LAMA4: variants seen among roughly 807,000 people sequenced by gnomAD.
The protein encoded by LAMA4 is laminin subunit alpha-4.
LAMA4 carries 127 observed loss-of-function variants against 207.1 expected under a neutral mutation model. The observed-to-expected ratio is 0.61, with a 90% CI of 0.53 to 0.71. The LOEUF (loss-of-function observed/expected upper bound fraction) is 0.71. Ranked by LOEUF, LAMA4 falls within the 30% of genes least tolerant of loss-of-function variation. The pLI is 0.00. For missense variants in LAMA4, 2,093 were observed against 2,246.5 expected (o/e 0.93, Z 1.38); for synonymous variants, 761 against 816.0 (o/e 0.93, Z 1.15).
At chr6:112,249,064 G>T (rs782670723) in intron 2 of LAMA4, among the ~76,000 whole-genome samples, 30 of 152,196 alleles carry the variant, frequency 2.0e-4, no homozygotes, top group Non-Finnish European at 3.5e-4. Flanking sequence ...GAGAAGGGAA[G>T]TTATCTCAAC....
intron 5 of LAMA4, among the ~76,000 whole-genome samples, chr6:112,198,239 G>C (rs1035299626): frequency 1.3e-5 from 2 of 152,118 alleles, no homozygotes; most frequent in Admixed American, 1.3e-4. Flanking sequence ...GGAATCCAAA[G>C]TTTTCCTGGA....
At chr6:112,189,740 A>C (rs1554347938) in intron 6 of LAMA4, among the ~76,000 whole-genome samples, 1 of 152,200 alleles carries the variant, frequency 6.6e-6, no homozygotes, top group Non-Finnish European at 1.5e-5. Flanking sequence ...CAAACCTCCA[A>C]ATGACAGCTA....
At chr6:112,156,690 C>G (rs782125029) in intron 14 of LAMA4, among the ~76,000 whole-genome samples, 13 of 152,098 alleles carry the variant, frequency 8.5e-5, no homozygotes, top group Non-Finnish European at 1.6e-4. Context: ...GAAGGTCCTC[C>G]GTGACCCAGT....
chr6:112,128,559 C>T (rs1206685947), intron 31 of LAMA4, among the ~76,000 whole-genome samples: 3 of 151,996 alleles, frequency 2.0e-5, no homozygotes, highest in Non-Finnish European at 2.9e-5. Context: ...TGTATATTTC[C>T]AAATAGCTAG....
chr6:112,134,333 A>G (rs935144615), intron 26 of LAMA4, 134 bp downstream of exon 26: 6 of 804,692 alleles, frequency 7.5e-6, no homozygotes, highest in Non-Finnish European at 1.3e-5. Flanking sequence ...AGGTACATGA[A>G]TGTGTGTACC....
At chr6:112,237,284 G>A (rs1457505921) in intron 2 of LAMA4, among the ~76,000 whole-genome samples, 2 of 152,196 alleles carry the variant, frequency 1.3e-5, no homozygotes, top group African/African-American at 4.8e-5. Flanking sequence ...GCTGCTCAAT[G>A]CAACCAGTGA....
intron 5 of LAMA4, among the ~76,000 whole-genome samples, chr6:112,196,971 T>C (rs2114985949): frequency 6.6e-6 from 1 of 152,264 alleles, no homozygotes; most frequent in East Asian, 1.9e-4. Context: ...AAGAAGCCAT[T>C]GTGTGATTCT....
intron 2 of LAMA4, among the ~76,000 whole-genome samples, chr6:112,246,443 C>G (rs1385818486): frequency 1.3e-5 from 2 of 150,522 alleles, no homozygotes; most frequent in Non-Finnish European, 3.0e-5. Context: ...CATTTTAATT[C>G]AAGAAACTGT....
chr6:112,150,417 T>C (rs781859224), intron 17 of LAMA4, 94 bp downstream of exon 17: 19 of 825,634 alleles, frequency 2.3e-5, no homozygotes, highest in African/African-American at 5.8e-5. Context: ...TATAAAATCA[T>C]TGACAAACAA....
intron 9 of LAMA4, among the ~76,000 whole-genome samples, chr6:112,181,671 G>A (rs782285416): frequency 3.3e-5 from 5 of 152,014 alleles, no homozygotes; most frequent in South Asian, 2.1e-4. Context: ...TAGAGTTACC[G>A]TTTAGCCTGT....
In LAMA4 at chr6:112,204,574, A is replaced by C. The variant is rs76281980; in HGVS notation, c.422+2447T>G. Among the ~76,000 whole-genome samples the C allele has an allele frequency of 4.9e-3, 743 of 152,276 alleles. 6 individuals carry two copies. The highest frequency in any genetic ancestry group is 0.017 in the African/African-American group (689 of 41,554). ...TATGAGAGAATGAGTGAAACCAGCT[A>C]TGAGGAAGTTGGAGGTAATATATTT... On this transcript the variant is annotated intron_variant, in intron 4 of 38. Coordinates refer to ENST00000230538, the MANE Select transcript of LAMA4 (RefSeq NM_001105206.3).
chr6:112,188,929 G>A (rs972702358), intron 7 of LAMA4, 181 bp downstream of exon 7: 4 of 605,660 alleles, frequency 6.6e-6, no homozygotes, highest in Non-Finnish European at 1.2e-5. Context: ...TTTGCCCTAG[G>A]GAATCAAGTG....
At chr6:112,155,895 C>A (rs1482614120) in intron 14 of LAMA4, among the ~76,000 whole-genome samples, 189 bp from the exon 15 acceptor site, 1 of 152,166 alleles carries the variant, frequency 6.6e-6, no homozygotes, top group Admixed American at 6.5e-5. Flanking sequence ...TGCTGAACAG[C>A]ATTTTGGTTC....
chr6:112,250,889 T>C (rs1787397926), intron 2 of LAMA4, among the ~76,000 whole-genome samples: 1 of 152,188 alleles, frequency 6.6e-6, no homozygotes, highest in African/African-American at 2.4e-5. Context: ...ATCTACCATA[T>C]CTATATTGGT....
intron 9 of LAMA4, among the ~76,000 whole-genome samples, chr6:112,181,883 G>C (rs901606978): frequency 5.3e-5 from 8 of 152,034 alleles, no homozygotes; most frequent in Non-Finnish European, 1.5e-5. Context: ...TGGATCACGA[G>C]GTCAGGAATT....
chr6:112,243,777 G>T (rs1255758398), intron 2 of LAMA4, among the ~76,000 whole-genome samples: 1 of 152,174 alleles, frequency 6.6e-6, no homozygotes, highest in Non-Finnish European at 1.5e-5. Flanking sequence ...CTAGGATGAG[G>T]CTGGGCATGG....
At chr6:112,244,681 C>G (rs1554188317) in intron 2 of LAMA4, among the ~76,000 whole-genome samples, 1 of 152,030 alleles carries the variant, frequency 6.6e-6, no homozygotes, top group East Asian at 1.9e-4. Flanking sequence ...GCATTGTGTC[C>G]CGGGGTCAAG....
chr6:112,159,554 G>A (rs1041867389), intron 13 of LAMA4: 1 of 152,844 alleles, frequency 6.5e-6, no homozygotes, highest in East Asian at 1.9e-4. Context: ...GCCCCTCAAT[G>A]CTGCAAAGAG....
intron 19 of LAMA4, among the ~76,000 whole-genome samples, chr6:112,143,721 G>A (rs1474130238): frequency 6.6e-6 from 1 of 152,174 alleles, no homozygotes; most frequent in Non-Finnish European, 1.5e-5. Flanking sequence ...ACTCCCAAAG[G>A]TGGGGCTAAG....
Sources: gnomAD v4.1 joint callset for allele counts (sites outside exome capture counted in the v4.1 genomes callset) on GRCh38, gnomAD v4.1.1 for gene constraint, MANE v1.5 for transcripts, NCBI Gene and HGNC (gene_info 2026-07-23, HGNC 2026-07-21) for gene names.